Variants in SYT1 observed in about 807,000 individuals in gnomAD.
SYT1 encodes the protein synaptotagmin-1.
A neutral mutation model predicts 44.8 loss-of-function variants in SYT1; 8 were observed. The observed-to-expected ratio is 0.18, with a 90% CI of 0.10 to 0.32. The LOEUF (loss-of-function observed/expected upper bound fraction) is 0.32, where lower values mean the gene tolerates loss of function less well. SYT1 is among the 10% of genes least tolerant of loss of function. SYT1 has a pLI of 1.00. For missense variants in SYT1, 286 were observed against 509.3 expected (o/e 0.56, Z 4.22); for synonymous variants, 154 against 188.8 (o/e 0.82, Z 1.51).
intron 4 of SYT1, among the ~76,000 whole-genome samples, chr12:79,230,007 T>C (rs542245681): frequency 1.3e-5 from 2 of 152,276 alleles, no homozygotes; most frequent in African/African-American, 4.8e-5. Context: ...TTAGAGGGCA[T>C]GGTCACAGGA....
At chr12:78,996,119 C>CT (rs1182339201) in intron 2 of SYT1, among the ~76,000 whole-genome samples, 4 of 152,264 alleles carry the variant, frequency 2.6e-5, no homozygotes, top group African/African-American at 7.2e-5. Flanking sequence ...AATTTGACCT[C>CT]TTTTTTACTA....
rs140059682 is a variant in SYT1, at chr12:79,143,085, A to T, written c.-17-74418A>T. ...CCTACATTTAAAAAAAAGATGGGTG[A>T]TTAGGTATAGAGAGCAATATACAGT... On this transcript the variant is annotated intron_variant, in intron 3 of 10. Transcript: ENST00000261205. 2.6e-5 allele frequency among the ~76,000 whole-genome samples: 4 copies of T among 152,272 alleles called. No individual in the cohort carries two copies. The East Asian group carries it at 7.7e-4, about 29-fold the overall frequency.
chr12:79,020,937 G>C (rs527625581), intron 2 of SYT1, among the ~76,000 whole-genome samples: 54 of 151,998 alleles, frequency 3.6e-4, no homozygotes, highest in African/African-American at 1.2e-3. Flanking sequence ...TAATGAGATA[G>C]GAAACTGACA....
intron 9 of SYT1, among the ~76,000 whole-genome samples, chr12:79,385,110 T>G (rs1884383922): frequency 6.6e-6 from 1 of 150,680 alleles, no homozygotes; most frequent in Non-Finnish European, 1.5e-5. Context: ...CCTCAGCCTC[T>G]CTAGTAGTTG....
At chr12:79,350,027 G>A (rs925207815) in intron 8 of SYT1, among the ~76,000 whole-genome samples, 2 of 152,086 alleles carry the variant, frequency 1.3e-5, no homozygotes, top group Non-Finnish European at 2.9e-5. Context: ...CTTCACTGAG[G>A]AAATGAAAAT....
rs550621643 is a variant in SYT1, at chr12:78,947,295, T to C, written c.-216-30504T>C. ...GAGGAAAAATGAAGGTATTTTTACA[T>C]TGAAAATTTTTCACTGGCAAAGCTC... On this transcript the variant is annotated intron_variant, in intron 1 of 10. Coordinates refer to ENST00000261205, the MANE Select transcript of SYT1 (RefSeq NM_005639.3). Among the ~76,000 whole-genome samples, 176 of 152,276 alleles carry C rather than the reference T, an allele frequency of 1.2e-3. 1 individual carries two copies. The highest frequency in any genetic ancestry group is 3.4e-3 in the African/African-American group (143 of 41,572).
At chr12:79,315,816 T>C (rs1188248637) in intron 8 of SYT1, among the ~76,000 whole-genome samples, 1 of 152,142 alleles carries the variant, frequency 6.6e-6, no homozygotes, top group Non-Finnish European at 1.5e-5. Flanking sequence ...AAGATGTAAA[T>C]GCCAGTTTTT....
chr12:79,408,769 T>C (rs921766732), intron 9 of SYT1, among the ~76,000 whole-genome samples: 1 of 151,788 alleles, frequency 6.6e-6, no homozygotes, highest in Non-Finnish European at 1.5e-5. Context: ...AGAAGCTGTT[T>C]GACTATGAGT....
chr12:79,191,106 T>TAC (rs1358452082), intron 3 of SYT1, among the ~76,000 whole-genome samples: 1 of 151,360 alleles, frequency 6.6e-6, no homozygotes, highest in South Asian at 2.1e-4. Flanking sequence ...TATAAATATA[T>TAC]ATATATGTAT....
chr12:79,225,027 T>C (rs7964919), intron 4 of SYT1, among the ~76,000 whole-genome samples: 109,273 of 151,424 alleles, frequency 0.72, 40,109 homozygotes, highest in African/African-American at 0.82. Flanking sequence ...GTGATCTGCC[T>C]GCCTTGGCCT....
At chr12:79,318,389 C>G (rs1329573825) in intron 8 of SYT1, among the ~76,000 whole-genome samples, 1 of 152,176 alleles carries the variant, frequency 6.6e-6, no homozygotes, top group Admixed American at 6.5e-5. Flanking sequence ...CGAATGGAAC[C>G]CTGCTTCCAG....
intron 8 of SYT1, among the ~76,000 whole-genome samples, chr12:79,344,600 G>C (rs939769718): frequency 6.6e-6 from 1 of 151,940 alleles, no homozygotes; most frequent in Admixed American, 6.6e-5. Flanking sequence ...CTATAGGCAC[G>C]CATCACACCA....
At chr12:79,378,003 C>T (rs1309243749) in intron 9 of SYT1, among the ~76,000 whole-genome samples, 1 of 152,188 alleles carries the variant, frequency 6.6e-6, no homozygotes, top group Non-Finnish European at 1.5e-5. Flanking sequence ...ATATTTATCA[C>T]TCCCAATACA....
chr12:79,186,876 A>T (rs1328612015), intron 3 of SYT1, among the ~76,000 whole-genome samples: 1 of 152,078 alleles, frequency 6.6e-6, no homozygotes, highest in Admixed American at 6.6e-5. Flanking sequence ...TATACTTAGC[A>T]GGCACTTTTC....
intron 3 of SYT1, among the ~76,000 whole-genome samples, chr12:79,112,545 A>T (rs1353550924): frequency 6.6e-6 from 1 of 152,142 alleles, no homozygotes; most frequent in Non-Finnish European, 1.5e-5. Context: ...CCTACCAGTG[A>T]ATACAGGATG....
chr12:79,412,158 G>T (rs1868469927), intron 9 of SYT1, among the ~76,000 whole-genome samples: 1 of 152,126 alleles, frequency 6.6e-6, no homozygotes, highest in African/African-American at 2.4e-5. Context: ...TTATACACTG[G>T]CATGCTTCCT....
intron 3 of SYT1, among the ~76,000 whole-genome samples, chr12:79,113,873 C>A (rs933234655): frequency 2.0e-5 from 3 of 152,118 alleles, no homozygotes; most frequent in South Asian, 4.1e-4. Flanking sequence ...TTTTCATAGT[C>A]CTATCTAATT....
Position 79,366,507 on chromosome 12 carries a change from TA to T in SYT1, c.928+12890del, listed in dbSNP as rs567032015. ...ACAGTTACTACAAGGCAAAGCCTAATAATAAATACCTATCTGAAAATGCCAG... is the reference window on the plus strand; with the variant it reads ...ACAGTTACTACAAGGCAAAGCCTAATATAAATACCTATCTGAAAATGCCAG... On this transcript the variant is annotated intron_variant, in intron 9 of 10. Transcript: ENST00000261205. Among the ~76,000 whole-genome samples the T allele has an allele frequency of 2.6e-3, 399 of 152,370 alleles. 1 individual carries two copies. The highest frequency in any genetic ancestry group is 4.4e-3 in the Non-Finnish European group (301 of 68,034).
chr12:79,368,818 G>T (rs1055769601), intron 9 of SYT1, among the ~76,000 whole-genome samples: 5 of 152,144 alleles, frequency 3.3e-5, no homozygotes, highest in African/African-American at 1.2e-4. Context: ...AGATGAGCAG[G>T]TTGCAAAAAT....
Sources: gnomAD v4.1 joint callset for allele counts (sites outside exome capture counted in the v4.1 genomes callset) on GRCh38, gnomAD v4.1.1 for gene constraint, MANE v1.5 for transcripts, NCBI Gene and HGNC (gene_info 2026-07-23, HGNC 2026-07-21) for gene names.